Variants in CLCA2 observed in about 807,000 individuals in gnomAD.
CLCA2 encodes the protein chloride channel accessory 2.
A neutral mutation model predicts 82.9 loss-of-function variants in CLCA2; 85 were observed. The ratio of observed to expected loss-of-function variants is 1.03; its 90% CI spans 0.86 to 1.23. CLCA2 has a LOEUF of 1.23. Among genes scored for constraint, CLCA2 ranks in the 50% most tolerant of loss-of-function variants. The probability of loss-of-function intolerance (pLI) is 0.00; values close to 1 mark genes in which losing one functional copy is unlikely to be tolerated. For missense variants in CLCA2, 1,089 were observed against 1,124.8 expected (o/e 0.97, Z 0.45); for synonymous variants, 421 against 391.7 (o/e 1.07, Z -0.88).
intron 2 of CLCA2, among the ~76,000 whole-genome samples, chr1:86,428,168 T>G (rs1230427643): frequency 1.3e-5 from 2 of 152,228 alleles, no homozygotes; most frequent in Non-Finnish European, 2.9e-5. Context: ...CATAAAAATT[T>G]GCTAAGCTTT....
intron 9 of CLCA2, 128 bp from the exon 10 acceptor site, chr1:86,443,659 T>TGAA (rs1662783804): frequency 1.5e-6 from 1 of 673,944 alleles, no homozygotes; most frequent in Non-Finnish European, 2.4e-6. Context: ...AAATGATGTA[T>TGAA]AACTACAGTA....
intron 11 of CLCA2, chr1:86,448,415 A>G (rs1366080855): frequency 6.6e-6 from 1 of 152,392 alleles, no homozygotes; most frequent in East Asian, 1.9e-4. Context: ...TTCTGCACAT[A>G]CAGCATTCAG....
intron 11 of CLCA2, among the ~76,000 whole-genome samples, chr1:86,448,986 T>A (rs887959167): frequency 2.0e-5 from 3 of 152,252 alleles, no homozygotes; most frequent in Admixed American, 6.5e-5. Context: ...TTGGCTTTTA[T>A]ATTATTCCTT....
In CLCA2 at chr1:86,440,323, C is replaced by T. The variant is rs1341866545; in HGVS notation, c.1379C>T (p.Thr460Ile). 1 of 1,612,980 alleles carries T rather than the reference C, an allele frequency of 6.2e-7. No individual in the cohort carries two copies. Residue 460 changes from threonine (T) to isoleucine (I), a missense_variant and splice_region_variant, in exon 8 of 14, where the codon ACA (threonine) becomes ATA (isoleucine). Transcript: ENST00000370565. ...AATCTGGAGGAATTATCACGTCTTACAGGTAATAAACTTTTAAAAACTTAT... is the reference window on the plus strand; with the variant it reads ...AATCTGGAGGAATTATCACGTCTTATAGGTAATAAACTTTTAAAAACTTAT... The part of the protein sequence containing the change: ...APNLEELSRL[T>I]GGLKFFVPDI...
chr1:86,437,364 C>T (rs993328037), intron 6 of CLCA2, among the ~76,000 whole-genome samples: 5 of 152,110 alleles, frequency 3.3e-5, no homozygotes, highest in African/African-American at 4.8e-5. Context: ...TGTGACTAGG[C>T]TCCACAGAGA....
chr1:86,444,879 T>TTTGTTGTTG (rs199948615), intron 10 of CLCA2, among the ~76,000 whole-genome samples: 28,047 of 147,982 alleles, frequency 0.19, 2,854 homozygotes, highest in Middle Eastern at 0.23. Context: ...CACCCCCACT[T>TTTGTTGTTG]TTGTTGTTGT....
intron 5 of CLCA2, among the ~76,000 whole-genome samples, chr1:86,433,198 A>T (rs1662535360): frequency 6.6e-6 from 1 of 152,214 alleles, no homozygotes; most frequent in Non-Finnish European, 1.5e-5. Flanking sequence ...GAGAGCATGG[A>T]ATCAGAAACG....
At chr1:86,431,023 C>A (rs3737673) in intron 4 of CLCA2, 53 bp downstream of exon 4, 397,775 of 1,278,984 alleles carry the variant, frequency 0.31, 64,549 homozygotes, top group Admixed American at 0.35. Context: ...TCTAAAATTG[C>A]TTATAACTTA....
intron 7 of CLCA2, among the ~76,000 whole-genome samples, chr1:86,439,401 A>G (rs2101701083): frequency 6.6e-6 from 1 of 152,322 alleles, no homozygotes; most frequent in Non-Finnish European, 1.5e-5. Flanking sequence ...ACATCTGGGC[A>G]TTTTCTAAAC....
At chr1:86,428,127 G>A (rs1662423838) in intron 2 of CLCA2, among the ~76,000 whole-genome samples, 1 of 152,164 alleles carries the variant, frequency 6.6e-6, no homozygotes, top group Admixed American at 6.6e-5. Flanking sequence ...AATCTGGAAT[G>A]TGGAAAGATC....
At chr1:86,440,476 T>G (rs1662705618) in intron 8 of CLCA2, 151 bp downstream of exon 8, 3 of 737,788 alleles carry the variant, frequency 4.1e-6, no homozygotes, top group Non-Finnish European at 6.3e-6. Flanking sequence ...TCTGTCAAAA[T>G]TTTGCTGATT....
chr1:86,430,790 C>A, intron 3 of CLCA2, 72 bp from the exon 4 acceptor site: 2 of 1,075,670 alleles, frequency 1.9e-6, no homozygotes, highest in Non-Finnish European at 2.9e-6. Context: ...AGAAATGTTA[C>A]GTCTTCACTA....
chr1:86,448,788 T>C (rs1305770263), intron 11 of CLCA2, among the ~76,000 whole-genome samples: 1 of 152,242 alleles, frequency 6.6e-6, no homozygotes, highest in Non-Finnish European at 1.5e-5. Context: ...GTCTTCTTGT[T>C]TTGCCTGTTG....
chr1:86,425,037 G>C (rs931449243), intron 1 of CLCA2, among the ~76,000 whole-genome samples: 1 of 152,150 alleles, frequency 6.6e-6, no homozygotes, highest in African/African-American at 2.4e-5. Context: ...TCTTGAATGT[G>C]CCCACAGGTG....
chr1:86,447,876 G>A lies in CLCA2; in HGVS notation c.1984+98G>A, dbSNP rs1279572806. On this transcript the variant is annotated intron_variant, in intron 11 of 13. Coordinates refer to ENST00000370565, the MANE Select transcript of CLCA2 (RefSeq NM_006536.7). ...TAAGCTTATCTGTAAGATTCCTTGA[G>A]TTCAATTTTTTTTTAATCTTACAAT... is the stretch of plus-strand genomic sequence containing the variant. 3.1e-6 allele frequency: 4 copies of A among 1,289,062 alleles called. No individual in the cohort carries two copies. The Admixed American group carries it at 1.1e-4, about 35-fold the overall frequency. The allele number at this position is 1,289,062 out of a possible 1,614,324, so 79.9% of individuals were successfully genotyped here. A position where few individuals can be genotyped will look rare whatever the true frequency, so the allele number is the denominator to read the frequency against.
intron 3 of CLCA2, among the ~76,000 whole-genome samples, chr1:86,429,249 T>C (rs1258512476): frequency 1.3e-5 from 2 of 152,154 alleles, no homozygotes; most frequent in Non-Finnish European, 2.9e-5. Context: ...ATAAGGACAC[T>C]GAGGATTTCC....
chr1:86,447,524 A>T lies in CLCA2; in HGVS notation c.1730A>T (p.Tyr577Phe). The T allele has an allele frequency of 1.9e-6, 3 of 1,614,078 alleles. No individual in the cohort carries two copies. Among genetic ancestry groups the T allele is most frequent in the Non-Finnish European group, 2.5e-6 (3 of 1,179,992 alleles). ...PGTAKPGHWT[Y>F]TLNNTHHSLQ... ...GTTTTACAGCCTGGGCACTGGACTTACACCCTGAACAATACCCATCATTCT... is the reference window on the plus strand; with the variant it reads ...GTTTTACAGCCTGGGCACTGGACTTTCACCCTGAACAATACCCATCATTCT... Residue 577 changes from tyrosine to phenylalanine, a missense_variant, in exon 11 of 14, where the codon TAC becomes TTC. By Grantham distance (22) the Tyr-to-Phe change is conservative. Transcript: ENST00000370565.
intron 3 of CLCA2, among the ~76,000 whole-genome samples, chr1:86,429,894 T>C (rs1009664936): frequency 1.3e-5 from 2 of 152,190 alleles, no homozygotes; most frequent in African/African-American, 4.8e-5. Flanking sequence ...TTTTCTTTCC[T>C]GGTAACCTTG....
At position 86,456,338 on chromosome 1, in the gene CLCA2, A is replaced by G. The variant is rs1227066139; in HGVS notation, c.*811A>G. The G allele has an allele frequency of 1.3e-5, 2 of 152,224 alleles. No individual in the cohort carries two copies. Among genetic ancestry groups the G allele is most frequent in the East Asian group, 3.8e-4 (2 of 5,196 alleles). The allele number at this position is 152,224 out of a possible 1,614,324, so 9.4% of individuals were successfully genotyped here. ...CAATTAAACCAAAGAAGAGGTCAGC[A>G]GGGAGATACTAACCTTTGGAAATGA... On this transcript the variant is annotated 3_prime_UTR_variant, in exon 14 of 14. Coordinates refer to ENST00000370565, the MANE Select transcript of CLCA2 (RefSeq NM_006536.7).
Sources: gnomAD v4.1 joint callset for allele counts (sites outside exome capture counted in the v4.1 genomes callset) on GRCh38, gnomAD v4.1.1 for gene constraint, MANE v1.5 for transcripts, NCBI Gene and HGNC (gene_info 2026-07-23, HGNC 2026-07-21) for gene names.